The following GABRG3 variants were observed in gnomAD, a reference collection of about 807,000 sequenced individuals.
GABRG3 encodes gamma-aminobutyric acid type A receptor subunit gamma3.
Under a neutral mutation model 48.8 loss-of-function variants are expected in GABRG3, and 25 were observed. The observed-to-expected ratio is 0.51, with a 90% CI of 0.37 to 0.72. The LOEUF (loss-of-function observed/expected upper bound fraction) is 0.72, where lower values mean the gene tolerates loss of function less well. Ranked by LOEUF, GABRG3 falls within the 30% of genes least tolerant of loss-of-function variation. The probability of loss-of-function intolerance (pLI) is 0.00; values close to 1 mark genes in which losing one functional copy is unlikely to be tolerated. For missense variants in GABRG3, 394 were observed against 577.9 expected, an observed-to-expected ratio of 0.68 and a Z score of 3.26; for synonymous variants, 227 against 217.6, an observed-to-expected ratio of 1.04 and a Z score of -0.38.
chr15:27,418,569 G>T (rs1888014063), intron 5 of GABRG3, among the ~76,000 whole-genome samples: 1 of 152,160 alleles, frequency 6.6e-6, no homozygotes, highest in Non-Finnish European at 1.5e-5. Context: ...CCGGCCACAG[G>T]CACATTCCAA....
At chr15:27,247,705 C>T (rs1890311572) in intron 3 of GABRG3, among the ~76,000 whole-genome samples, 1 of 152,154 alleles carries the variant, frequency 6.6e-6, no homozygotes, top group Non-Finnish European at 1.5e-5. Flanking sequence ...TCTCACATGG[C>T]TGGGGAGGCC....
At chr15:27,234,966 G>A (rs1001552399) in intron 3 of GABRG3, among the ~76,000 whole-genome samples, 1 of 152,094 alleles carries the variant, frequency 6.6e-6, no homozygotes, top group Non-Finnish European at 1.5e-5. Context: ...AGTCCTCTGT[G>A]GTCTGGTCCA....
At chr15:27,146,883 A>G (rs1403804181) in intron 3 of GABRG3, among the ~76,000 whole-genome samples, 3 of 152,146 alleles carry the variant, frequency 2.0e-5, no homozygotes, top group African/African-American at 7.2e-5. Context: ...GAATAGAACA[A>G]AAAAGACATA....
At chr15:27,004,064 A>T (rs1484287082) in intron 2 of GABRG3, among the ~76,000 whole-genome samples, 3 of 119,656 alleles carry the variant, frequency 2.5e-5, no homozygotes, top group Non-Finnish European at 5.0e-5. Context: ...GGGGCGGCTG[A>T]CCCGGCGGGG....
chr15:26,977,103 A>G lies in GABRG3; in HGVS notation c.155A>G (p.Asn52Ser). The G allele has an allele frequency of 1.2e-6, 2 of 1,613,978 alleles. No homozygotes were observed. Among genetic ancestry groups the G allele is most frequent in the Non-Finnish European group, 1.7e-6 (2 of 1,179,876 alleles). Residue 52 changes from asparagine (N) to serine (S), a missense_variant, in exon 2 of 10, where the codon AAC (asparagine) becomes AGC (serine). By Grantham distance (46) the Asn-to-Ser change is conservative. Around this residue, in one of 3 missense-constraint regions of GABRG3, gnomAD observed 218 missense variants for 309.9 expected, o/e 0.70. Coordinates refer to ENST00000615808, the MANE Select transcript of GABRG3 (RefSeq NM_033223.5). ...GACACCGACGTGACTCTTATTCTCA[A>G]CAAGTTGCTAAGAGAATATGATAAA... Reference protein sequence around the residue: ...SQDTDVTLILNKLLREYDKKL... With the variant: ...SQDTDVTLILSKLLREYDKKL...
chr15:27,178,180 CA>C (rs1239308797), intron 3 of GABRG3, among the ~76,000 whole-genome samples: 3 of 152,158 alleles, frequency 2.0e-5, no homozygotes, highest in Non-Finnish European at 1.5e-5. Context: ...GAATTTTTGT[CA>C]ACTGTATCCA....
At chr15:27,066,219 T>TA (rs767768689) in intron 3 of GABRG3, among the ~76,000 whole-genome samples, 1 of 152,258 alleles carries the variant, frequency 6.6e-6, no homozygotes, top group East Asian at 1.9e-4. Context: ...ATGATATAGT[T>TA]ACGTTCATAC....
chr15:27,194,747 C>T (rs1360797138), intron 3 of GABRG3, among the ~76,000 whole-genome samples: 6 of 152,058 alleles, frequency 3.9e-5, no homozygotes, highest in Non-Finnish European at 7.4e-5. Flanking sequence ...GTTTATTTTA[C>T]TCGAGGTTTG....
intron 3 of GABRG3, among the ~76,000 whole-genome samples, chr15:27,051,603 CAGGAAGATACCATCTA>C: frequency 6.6e-6 from 1 of 152,158 alleles, no homozygotes; most frequent in Non-Finnish European, 1.5e-5. Context: ...GGGGACACAG[CAGGAAGATACCATCTA>C]AGACAGTAGT....
intron 3 of GABRG3, among the ~76,000 whole-genome samples, chr15:27,293,752 A>G (rs953166519): frequency 1.3e-5 from 2 of 152,126 alleles, no homozygotes; most frequent in East Asian, 1.9e-4. Context: ...TGCATATTCA[A>G]CTTGCAAATG....
In GABRG3 at chr15:27,465,247, G is replaced by A. The variant is rs866006269; in HGVS notation, c.575-15403G>A. On this transcript the variant is annotated intron_variant, in intron 5 of 9. Transcript: ENST00000615808. ...CCAAGGATCAGTGGCACTCTTTGGA[G>A]AATTACTAAAGAGAGTAATGTGTAA... Among the ~76,000 whole-genome samples the A allele has an allele frequency of 2.0e-5, 3 of 152,310 alleles. No individual in the cohort carries two copies. In the South Asian group the frequency reaches 6.2e-4, roughly 32 times the overall value.
intron 5 of GABRG3, among the ~76,000 whole-genome samples, chr15:27,452,767 C>G (rs1008464951): frequency 1.3e-5 from 2 of 152,136 alleles, no homozygotes; most frequent in African/African-American, 2.4e-5. Flanking sequence ...TTGTGCAGTT[C>G]AAACCCATGT....
chr15:27,265,333 T>C (rs1890884256), intron 3 of GABRG3, among the ~76,000 whole-genome samples: 1 of 152,198 alleles, frequency 6.6e-6, no homozygotes, highest in Non-Finnish European at 1.5e-5. Context: ...AAATAAAAAC[T>C]TCTACTCTCC....
chr15:27,503,333 C>T lies in GABRG3; in HGVS notation c.713-16639C>T, dbSNP rs139150299. Reference sequence around the variant, plus strand: ...CACAACCATAATACAGGCATGAATCCAGTCAAGATACAAAACATTTCGATC... The same window carrying T: ...CACAACCATAATACAGGCATGAATCTAGTCAAGATACAAAACATTTCGATC... On this transcript the variant is annotated intron_variant, in intron 6 of 9. Coordinates refer to ENST00000615808, the MANE Select transcript of GABRG3 (RefSeq NM_033223.5). Among the ~76,000 whole-genome samples the T allele has an allele frequency of 1.6e-4, 25 of 152,252 alleles. No individual in the cohort carries two copies. The South Asian group carries it at 2.7e-3, about 16-fold the overall frequency.
chr15:27,021,879 AT>A (rs1895901893), intron 2 of GABRG3, among the ~76,000 whole-genome samples: 1 of 152,140 alleles, frequency 6.6e-6, no homozygotes, highest in Admixed American at 6.5e-5. Flanking sequence ...AAGTTTAAAA[AT>A]TTGCATGAGA....
In GABRG3 at chr15:27,121,047, A is replaced by G. The variant is rs572244620; in HGVS notation, c.270+94226A>G. Among the ~76,000 whole-genome samples, 49 of 152,322 alleles carry G rather than the reference A, an allele frequency of 3.2e-4. 1 individual carries two copies. Among genetic ancestry groups the G allele is most frequent in the Middle Eastern group, 6.8e-3 (2 of 294 alleles). The stretch of plus-strand genomic sequence containing the variant: ...TGCCTTGGGGAAGGAATGCCATTCA[A>G]TTTTTGGATTCCATTTTCACTTCGT... On this transcript the variant is annotated intron_variant, in intron 3 of 9. Coordinates refer to ENST00000615808, the MANE Select transcript of GABRG3 (RefSeq NM_033223.5).
intron 3 of GABRG3, among the ~76,000 whole-genome samples, chr15:27,308,243 T>TA (rs1344548501): frequency 1.6e-4 from 21 of 131,214 alleles, no homozygotes; most frequent in African/African-American, 1.9e-4. Context: ...TATCCAAACA[T>TA]ATATAAACAT....
chr15:27,022,624 C>G (rs191339384), intron 2 of GABRG3, among the ~76,000 whole-genome samples: 1 of 152,138 alleles, frequency 6.6e-6, no homozygotes, highest in South Asian at 2.1e-4. Flanking sequence ...ATTCCTTTAA[C>G]GTCCACAATA....
At chr15:27,082,594 G>A (rs1428406675) in intron 3 of GABRG3, among the ~76,000 whole-genome samples, 10 of 152,208 alleles carry the variant, frequency 6.6e-5, no homozygotes, top group Admixed American at 6.5e-4. Flanking sequence ...CCCCACAACT[G>A]AAGAAGGATG....
Sources: gnomAD v4.1 joint callset for allele counts (sites outside exome capture counted in the v4.1 genomes callset) on GRCh38, gnomAD v4.1.1 for gene constraint, gnomAD v4.1.1 regional missense constraint, MANE v1.5 for transcripts, NCBI Gene and HGNC (gene_info 2026-07-23, HGNC 2026-07-21) for gene names.